The following KIF26B variants were observed in gnomAD, a reference collection of about 807,000 sequenced individuals.
KIF26B encodes the protein kinesin family member 26B, also known as kinesin-like protein KIF26B.
In KIF26B, 63 loss-of-function variants were observed where a neutral mutation model predicts 151.2. The observed-to-expected ratio is 0.42, with a 90% CI of 0.34 to 0.51. The LOEUF (loss-of-function observed/expected upper bound fraction) is 0.51. Among genes scored for constraint, KIF26B ranks in the 20% least tolerant of loss-of-function variants. The pLI, the probability that KIF26B is intolerant of heterozygous loss-of-function variation, is 0.07. For synonymous variants in KIF26B, 1,357 were observed against 1,262.1 expected, an observed-to-expected ratio of 1.08 and a Z score of -1.59; for missense variants, 2,813 against 2,913.6, an observed-to-expected ratio of 0.97 and a Z score of 0.79.
intron 2 of KIF26B, among the ~76,000 whole-genome samples, chr1:245,265,059 A>G (rs6663010): frequency 0.01 from 1,524 of 151,970 alleles, 29 homozygotes; most frequent in African/African-American, 0.035. Flanking sequence ...AAAATTAGCC[A>G]GGCGTGGTGG....
intron 3 of KIF26B, among the ~76,000 whole-genome samples, chr1:245,396,118 G>A (rs868373877): frequency 1.9e-4 from 29 of 152,134 alleles, no homozygotes; most frequent in African/African-American, 6.3e-4. Flanking sequence ...TTTTATAACA[G>A]AATACTGACT....
intron 2 of KIF26B, among the ~76,000 whole-genome samples, chr1:245,235,268 A>T (rs193112662): frequency 6.6e-6 from 1 of 152,174 alleles, no homozygotes; most frequent in African/African-American, 2.4e-5. Context: ...CATTTGTGTC[A>T]GTTCAATAAT....
At chr1:245,409,484 A>C (rs1674222237) in intron 3 of KIF26B, among the ~76,000 whole-genome samples, 1 of 152,188 alleles carries the variant, frequency 6.6e-6, no homozygotes, top group Non-Finnish European at 1.5e-5. Context: ...TCATCATGCA[A>C]GGCAGAGTGC....
In KIF26B at chr1:245,577,652, A is replaced by G. The variant is rs139743995; in HGVS notation, c.1351-24925A>G. Among the ~76,000 whole-genome samples, 623 of 120,394 alleles carry G rather than the reference A, an allele frequency of 5.2e-3. 15 individuals are homozygous for G. The highest frequency in any genetic ancestry group is 0.032 in the Middle Eastern group (4 of 124). The allele number at this position is 120,394 out of a possible 152,430, so 79.0% of individuals were successfully genotyped here. On this transcript the variant is annotated intron_variant, in intron 5 of 14. Transcript: ENST00000407071. ...ACACGGAAGAGCTTTGTGGAACTCC[A>G]GGCGATGCATCTCCTCACCGGAAGA...
chr1:245,217,056 A>G (rs1360306410), intron 2 of KIF26B, among the ~76,000 whole-genome samples: 1 of 152,150 alleles, frequency 6.6e-6, no homozygotes, highest in African/African-American at 2.4e-5. Context: ...AGGGAAGGAT[A>G]TTTGTCTCAG....
chr1:245,582,145 T>G (rs2043181015), intron 5 of KIF26B, among the ~76,000 whole-genome samples: 1 of 152,186 alleles, frequency 6.6e-6, no homozygotes, highest in Non-Finnish European at 1.5e-5. Flanking sequence ...GGGAGCCCGA[T>G]GCTGAACTTC....
At chr1:245,652,576 G>A (rs1405727956) in intron 10 of KIF26B, among the ~76,000 whole-genome samples, 1 of 152,130 alleles carries the variant, frequency 6.6e-6, no homozygotes, top group Non-Finnish European at 1.5e-5. Context: ...AGTTGAGGCA[G>A]AAGCTGCCAC....
chr1:245,476,212 T>C (rs557107673), intron 4 of KIF26B, among the ~76,000 whole-genome samples: 1 of 151,910 alleles, frequency 6.6e-6, no homozygotes, highest in South Asian at 2.1e-4. Flanking sequence ...GGCAAAACTA[T>C]AGAGACAGAA....
intron 4 of KIF26B, among the ~76,000 whole-genome samples, chr1:245,509,056 C>G (rs1223143014): frequency 1.3e-5 from 2 of 152,168 alleles, no homozygotes; most frequent in African/African-American, 4.8e-5. Flanking sequence ...GAGCAAACGT[C>G]TATATACCAA....
At chr1:245,616,859 A>G (rs1345836399) in intron 9 of KIF26B, among the ~76,000 whole-genome samples, 1 of 152,210 alleles carries the variant, frequency 6.6e-6, no homozygotes, top group Non-Finnish European at 1.5e-5. Flanking sequence ...TAATTTCAAA[A>G]GCCCCACTTT....
At chr1:245,685,299 C>T (rs1412557069) in intron 11 of KIF26B, 106 bp from the exon 12 acceptor site, 3 of 965,442 alleles carry the variant, frequency 3.1e-6, no homozygotes, top group African/African-American at 3.3e-5. Flanking sequence ...GGGTGGCTGT[C>T]AGTAGCCTGT....
rs551664484 is a variant in KIF26B, at chr1:245,488,747, G to A, written c.1167-52020G>A. On this transcript the variant is annotated intron_variant, in intron 4 of 14. Transcript: ENST00000407071. This position sits in a 1 kb window ranked among gnomAD's most constrained non-coding sequence, Gnocchi z 4.6. ...AAGAAGATTATTATAATTATCTCAA[G>A]GCACTGAAGGGCTGCTTCATTTGCA... Among the ~76,000 whole-genome samples the A allele has an allele frequency of 3.9e-5, 6 of 152,244 alleles. No individual in the cohort carries two copies. In the East Asian group the frequency reaches 1.2e-3, roughly 29 times the overall value.
chr1:245,326,351 T>G (rs1189762590), intron 2 of KIF26B, among the ~76,000 whole-genome samples: 1 of 152,216 alleles, frequency 6.6e-6, no homozygotes, highest in Non-Finnish European at 1.5e-5. Flanking sequence ...TTAGGGTTAC[T>G]CAGCCAAGAA....
In KIF26B at chr1:245,352,950, C is replaced by T. The variant is rs1353522047; in HGVS notation, c.466-13884C>T. On this transcript the variant is annotated intron_variant, in intron 2 of 14. Transcript: ENST00000407071. The surrounding 1 kb of genome is among the most constrained non-coding windows in gnomAD (Gnocchi z 5.0). ...TTTTTACTCTTTTCCACTGAGTCTG[C>T]TCATATTATTCATACGATTATCACG... 2.0e-5 allele frequency among the ~76,000 whole-genome samples: 3 copies of T among 152,084 alleles called. No individual in the cohort carries two copies. In the East Asian group the frequency reaches 5.8e-4, roughly 29 times the overall value.
At chr1:245,158,562 A>C (rs1239633440) in intron 2 of KIF26B, among the ~76,000 whole-genome samples, 2 of 152,210 alleles carry the variant, frequency 1.3e-5, no homozygotes, top group Non-Finnish European at 2.9e-5. Context: ...CATGCTCTAC[A>C]ATGACTTCGA....
At chr1:245,561,707 C>G (rs2042953490) in intron 5 of KIF26B, among the ~76,000 whole-genome samples, 1 of 152,220 alleles carries the variant, frequency 6.6e-6, no homozygotes, top group Non-Finnish European at 1.5e-5. Flanking sequence ...GTCTCTTTTA[C>G]TAGTGAGGAA....
chr1:245,556,117 A>AATGCTGGCT (rs1350474768), intron 5 of KIF26B, among the ~76,000 whole-genome samples: 2 of 152,184 alleles, frequency 1.3e-5, no homozygotes, highest in African/African-American at 2.4e-5. Context: ...TCTGCCTGGC[A>AATGCTGGCT]ATGCTGGCTA....
chr1:245,665,474 G>GA (rs139513154), intron 10 of KIF26B, among the ~76,000 whole-genome samples: 7 of 152,280 alleles, frequency 4.6e-5, no homozygotes, highest in African/African-American at 1.4e-4. Flanking sequence ...GCAGCAAAGA[G>GA]AGAACCGCAC....
intron 2 of KIF26B, among the ~76,000 whole-genome samples, chr1:245,219,181 C>T (rs189045095): frequency 8.0e-6 from 1 of 124,480 alleles, no homozygotes; most frequent in Admixed American, 1.0e-4. Context: ...CTCTGTTGCC[C>T]AGGCTGGAGT....
Sources: allele counts gnomAD v4.1 joint callset (sites outside exome capture counted in the v4.1 genomes callset), GRCh38; gene constraint gnomAD v4.1.1; non-coding constraint Gnocchi (gnomAD v3.1); transcripts MANE v1.5; gene names NCBI Gene and HGNC (gene_info 2026-07-23, HGNC 2026-07-21).